GRIK2: variants seen among roughly 807,000 people sequenced by gnomAD.
The protein encoded by GRIK2 is glutamate ionotropic receptor kainate type subunit 2.
A neutral mutation model predicts 100.3 loss-of-function variants in GRIK2; 32 were observed. The observed-to-expected ratio is 0.32, with a 90% confidence interval of 0.24 to 0.43. The LOEUF (loss-of-function observed/expected upper bound fraction) is 0.43, where lower values mean the gene tolerates loss of function less well. GRIK2 is among the 20% of genes least tolerant of loss of function. The pLI is 1.00. For missense variants in GRIK2, 843 were observed against 1,114.9 expected (o/e 0.76, Z 3.47); for synonymous variants, 417 against 389.4 (o/e 1.07, Z -0.83).
chr6:101,440,803 G>A (rs964604176), intron 2 of GRIK2, among the ~76,000 whole-genome samples: 2 of 151,820 alleles, frequency 1.3e-5, no homozygotes, highest in African/African-American at 4.8e-5. Flanking sequence ...GTTTGTCTGC[G>A]CCCTTCCTCC....
At chr6:101,491,217 A>C (rs988914180) in intron 2 of GRIK2, among the ~76,000 whole-genome samples, 1 of 151,826 alleles carries the variant, frequency 6.6e-6, no homozygotes, top group African/African-American at 2.4e-5. Context: ...GTCTGTACAA[A>C]CAAGAAATCA....
intron 2 of GRIK2, among the ~76,000 whole-genome samples, chr6:101,516,463 A>T (rs1774590918): frequency 6.6e-6 from 1 of 152,102 alleles, no homozygotes; most frequent in Non-Finnish European, 1.5e-5. Context: ...TCTTTGACAA[A>T]GCAAACAAAA....
intron 2 of GRIK2, among the ~76,000 whole-genome samples, chr6:101,558,620 G>A (rs372338987): frequency 7.9e-5 from 12 of 151,332 alleles, no homozygotes; most frequent in Non-Finnish European, 1.8e-4. Context: ...GGGTTGAATT[G>A]TCCAGATTTA....
At chr6:101,401,950 C>G (rs1031125450) in intron 2 of GRIK2, among the ~76,000 whole-genome samples, 1 of 152,150 alleles carries the variant, frequency 6.6e-6, no homozygotes, top group Non-Finnish European at 1.5e-5. Context: ...GCGCCGGCAG[C>G]CGCCAGGCGC....
At position 101,469,433 on chromosome 6, in the gene GRIK2, G is replaced by A. The variant is rs141643279; in HGVS notation, c.115+70041G>A. Among the ~76,000 whole-genome samples, 162 of 152,036 alleles carry A rather than the reference G, an allele frequency of 1.1e-3. 1 individual carries two copies. The highest frequency in any genetic ancestry group is 2.9e-3 in the South Asian group (14 of 4,796). ...CTTCTAGAAAATGTTAACCCACTGG[G>A]CCCGTTTAAATTAATATACTGTCCA... On this transcript the variant is annotated intron_variant, in intron 2 of 16. Coordinates refer to ENST00000369134, the MANE Select transcript of GRIK2 (RefSeq NM_021956.5).
At chr6:101,422,698 G>C (rs1022332790) in intron 2 of GRIK2, among the ~76,000 whole-genome samples, 1 of 151,120 alleles carries the variant, frequency 6.6e-6, no homozygotes, top group Non-Finnish European at 1.5e-5. Flanking sequence ...AAGAAACAAA[G>C]AGACACTTTT....
chr6:101,908,140 G>C (rs1307891034), intron 12 of GRIK2, among the ~76,000 whole-genome samples: 1 of 151,396 alleles, frequency 6.6e-6, no homozygotes, highest in Non-Finnish European at 1.5e-5. Flanking sequence ...ATTAAATTTA[G>C]AAGAAAATTT....
intron 7 of GRIK2, among the ~76,000 whole-genome samples, chr6:101,788,532 C>T (rs1204859262): frequency 6.6e-6 from 1 of 152,126 alleles, no homozygotes; most frequent in Non-Finnish European, 1.5e-5. Context: ...CTACAAAGGA[C>T]ATGAACTCAT....
At chr6:101,539,575 A>G (rs1775886241) in intron 2 of GRIK2, among the ~76,000 whole-genome samples, 1 of 151,796 alleles carries the variant, frequency 6.6e-6, no homozygotes, top group South Asian at 2.1e-4. Context: ...TAGTAGTAGT[A>G]AGTAACAGAC....
intron 2 of GRIK2, among the ~76,000 whole-genome samples, chr6:101,574,874 A>C (rs1777724800): frequency 6.6e-6 from 1 of 151,840 alleles, no homozygotes. Flanking sequence ...ATAATTTAGA[A>C]TAATATATTT....
At chr6:101,954,476 A>T (rs1791791442) in intron 14 of GRIK2, among the ~76,000 whole-genome samples, 1 of 152,050 alleles carries the variant, frequency 6.6e-6, no homozygotes, top group South Asian at 2.1e-4. Context: ...TACTATTATA[A>T]ATATAACAAT....
chr6:101,904,043 C>A (rs1788056290), intron 12 of GRIK2, among the ~76,000 whole-genome samples: 1 of 151,308 alleles, frequency 6.6e-6, no homozygotes, highest in South Asian at 2.1e-4. Flanking sequence ...ACTAGCATTG[C>A]CCCAACACTT....
At chr6:101,569,138 G>T (rs943431007) in intron 2 of GRIK2, among the ~76,000 whole-genome samples, 1 of 151,936 alleles carries the variant, frequency 6.6e-6, no homozygotes, top group Non-Finnish European at 1.5e-5. Context: ...TCATAGCTTT[G>T]TTATTCTGAG....
chr6:101,781,785 A>C (rs1275098312), intron 7 of GRIK2, among the ~76,000 whole-genome samples: 1 of 151,858 alleles, frequency 6.6e-6, no homozygotes, highest in Non-Finnish European at 1.5e-5. Context: ...CCTAGTTAAT[A>C]TTAGTAACTT....
At chr6:101,594,642 G>A (rs1229977888) in intron 2 of GRIK2, among the ~76,000 whole-genome samples, 1 of 151,596 alleles carries the variant, frequency 6.6e-6, no homozygotes, top group Non-Finnish European at 1.5e-5. Context: ...CCTTAATGAA[G>A]AACAAAACAA....
At chr6:101,898,992 A>C (rs1469532435) in intron 12 of GRIK2, among the ~76,000 whole-genome samples, 1 of 151,824 alleles carries the variant, frequency 6.6e-6, no homozygotes, top group Non-Finnish European at 1.5e-5. Flanking sequence ...TAATTGCTAT[A>C]ATTTTTTACA....
At chr6:101,655,984 G>A (rs1782042586) in intron 4 of GRIK2, among the ~76,000 whole-genome samples, 1 of 152,030 alleles carries the variant, frequency 6.6e-6, no homozygotes, top group African/African-American at 2.4e-5. Context: ...CGGGAAAGTG[G>A]TAAAGATTTG....
At chr6:101,456,677 G>T (rs1582492094) in intron 2 of GRIK2, among the ~76,000 whole-genome samples, 1 of 20,966 alleles carries the variant, frequency 4.8e-5, no homozygotes, top group East Asian at 1.4e-3. Context: ...GTGAATACAA[G>T]CTTAATTTGG....
intron 2 of GRIK2, among the ~76,000 whole-genome samples, chr6:101,584,968 A>T (rs1778284351): frequency 6.6e-6 from 1 of 151,982 alleles, no homozygotes; most frequent in Non-Finnish European, 1.5e-5. Flanking sequence ...ATATAAGAGA[A>T]TTCTCGTTAG....
Sources: allele counts gnomAD v4.1 joint callset (sites outside exome capture counted in the v4.1 genomes callset), GRCh38; gene constraint gnomAD v4.1.1; transcripts MANE v1.5; gene names NCBI Gene and HGNC (gene_info 2026-07-23, HGNC 2026-07-21).